Variants in POGZ observed in about 807,000 individuals in gnomAD.
The protein encoded by POGZ is pogo transposable element with ZNF domain.
A neutral mutation model predicts 134.6 loss-of-function variants in POGZ; 17 were observed. That is an observed-to-expected ratio of 0.13 (90% CI 0.09 to 0.19). POGZ has a LOEUF of 0.19. POGZ is among the 10% of genes least tolerant of loss of function. The pLI is 1.00. For missense variants in POGZ, 1,306 were observed against 1,769.7 expected, an observed-to-expected ratio of 0.74 and a Z score of 4.70; for synonymous variants, 693 against 657.1, an observed-to-expected ratio of 1.05 and a Z score of -0.84.
chr1:151,458,242 G>A lies in POGZ; in HGVS notation c.-2+910C>T, dbSNP rs148920940. 8.5e-5 allele frequency among the ~76,000 whole-genome samples: 13 copies of A among 152,186 alleles called. No individual in the cohort carries two copies. The East Asian group carries it at 2.1e-3, about 25-fold the overall frequency. ...AAAGACGGAAAACAAATAGATCAAT[G>A]ACAGTACTCCTTTGCAAAAGGTGCC... On this transcript the variant is annotated intron_variant, in intron 1 of 18. Transcript: ENST00000271715.
Position 151,405,179 on chromosome 1 carries a change from C to T in POGZ, c.3856G>A (p.Glu1286Lys). ...GAATCACATGCAGTATCTGCCATTTCCCGAGCCTGTTCCTTCCATTTTTTA... is the reference window on the plus strand; with the variant it reads ...GAATCACATGCAGTATCTGCCATTTTCCGAGCCTGTTCCTTCCATTTTTTA... ...LHKKWKEQAR[E>K]MADTACDSDV... The change falls in exon 19 of 19, where the codon GAA (glutamate) becomes AAA (lysine). Residue 1286 changes from glutamate (E) to lysine (K), a missense_variant. Transcript: ENST00000271715. The surrounding 1 kb of genome is among the most constrained non-coding windows in gnomAD (Gnocchi z 4.9). The T allele has an allele frequency of 6.2e-7, 1 of 1,614,208 alleles. No individual in the cohort carries two copies. Among genetic ancestry groups the T allele is most frequent in the South Asian group, 1.1e-5 (1 of 91,088 alleles).
intron 15 of POGZ, among the ~76,000 whole-genome samples, chr1:151,407,797 C>G (rs1352769935): frequency 2.0e-5 from 3 of 151,834 alleles, no homozygotes; most frequent in South Asian, 2.1e-4. Context: ...ATCACCTGAG[C>G]TCAGGAGTTT....
intron 1 of POGZ, among the ~76,000 whole-genome samples, chr1:151,458,719 C>A (rs999824569): frequency 6.9e-6 from 1 of 145,436 alleles, no homozygotes; most frequent in Non-Finnish European, 1.5e-5. Flanking sequence ...AGCGGGCCAC[C>A]GCCCGCGCCC....
rs757926620 is a variant in POGZ at position 151,428,247 on chromosome 1, C to T, written c.735G>A (p.Gln245=). The T allele has an allele frequency of 4.3e-6, 7 of 1,613,972 alleles. No homozygotes were observed. In the African/African-American group the frequency reaches 9.3e-5, roughly 22 times the overall value. The change falls in exon 6 of 19, where the codon CAG becomes CAA. Residue 245 remains glutamine, a synonymous_variant. Coordinates refer to ENST00000271715, the MANE Select transcript of POGZ (RefSeq NM_015100.4). ...LTIRSTVPQS[Q]SQQTKSTPST... ...TGGGAGTGGACTTGGTCTGCTGGGA[C>T]TGGGACTGTGGGACGGTGCTTCGAA...
chr1:151,408,865 T>C, intron 12 of POGZ, 37 bp from the exon 13 acceptor site: 1 of 1,586,780 alleles, frequency 6.3e-7, no homozygotes, highest in Non-Finnish European at 8.6e-7. Context: ...ACAAAATCCC[T>C]TAAAGGTTCC....
At chr1:151,424,598 A>C in intron 8 of POGZ, 1 of 305,150 alleles carries the variant, frequency 3.3e-6, no homozygotes, top group Non-Finnish European at 6.0e-6. Context: ...ATACCAAAAA[A>C]TGAAAAGCTA....
At chr1:151,410,610 T>C (rs892076301) in intron 12 of POGZ, among the ~76,000 whole-genome samples, 5 of 152,222 alleles carry the variant, frequency 3.3e-5, no homozygotes, top group African/African-American at 1.2e-4. Context: ...GGGCCCATGG[T>C]ATTTAAGTTT....
chr1:151,406,326 G>C lies in POGZ; in HGVS notation c.2709C>G (p.Pro903=). The C allele has an allele frequency of 1.2e-6, 2 of 1,608,984 alleles. No homozygotes were observed. Among genetic ancestry groups the C allele is most frequent in the Non-Finnish European group, 1.7e-6 (2 of 1,177,408 alleles). Residue 903 remains proline (P), a synonymous_variant, in exon 19 of 19, where the codon CCC becomes CCG. Transcript: ENST00000271715. ...TPAEPEELLT[P]LAPALPSPAS... is the part of the protein sequence containing the mutation. ...CTGGTGATGGGAGTGCTGGGGCTAA[G>C]GGAGTTAGTAGCTCTTCAGGCTCAG...
At position 151,459,133 on chromosome 1, in the gene POGZ, GGCTC is replaced by G. The variant is rs1245146145; in HGVS notation, c.-2+15_-2+18del. On this transcript the variant is annotated intron_variant, in intron 1 of 18. Coordinates refer to ENST00000271715, the MANE Select transcript of POGZ (RefSeq NM_015100.4). ...GGGAGCAGGGGGTGGGGAGAGAGAA[GGCTC>G]GCTCGCTCACTCACCTCCTGTGGTC... 2 of 151,190 alleles carry G rather than the reference GGCTC, an allele frequency of 1.3e-5. No homozygotes were observed. Among genetic ancestry groups the G allele is most frequent in the Non-Finnish European group, 3.0e-5 (2 of 67,692 alleles). The allele number at this position is 151,190 out of a possible 1,614,324, so 9.4% of individuals were successfully genotyped here.
At chr1:151,457,528 G>A (rs552755807) in intron 1 of POGZ, among the ~76,000 whole-genome samples, 4 of 152,310 alleles carry the variant, frequency 2.6e-5, no homozygotes, top group African/African-American at 9.6e-5. Flanking sequence ...CAGAGTTCAA[G>A]CTCTCAGACC....
chr1:151,407,271 C>G lies in POGZ; in HGVS notation c.2396G>C (p.Ser799Thr). The G allele has an allele frequency of 6.2e-7, 1 of 1,610,050 alleles. No homozygotes were observed. Among genetic ancestry groups the G allele is most frequent in the Non-Finnish European group, 8.5e-7 (1 of 1,178,326 alleles). ...TTTAAACAAAGCCAAATACTTGGGG[C>G]TCTTCCGTGGAACATGATTGCTGAG... ...HMINNHVPRK[S>T]PKYLALFKNS... The change falls in exon 16 of 19, where the codon AGC (serine) becomes ACC (threonine). Residue 799 changes from serine (S) to threonine (T), a missense_variant. Around this residue, in one of 10 missense-constraint regions of POGZ, gnomAD observed 34 missense variants for 95.5 expected, o/e 0.36. Transcript: ENST00000271715.
In POGZ at chr1:151,404,853, G is replaced by C. The variant is rs753242219; in HGVS notation, c.4182C>G (p.Thr1394=). 2 of 1,613,290 alleles carry C rather than the reference G, an allele frequency of 1.2e-6. No individual in the cohort carries two copies. The highest frequency in any genetic ancestry group is 1.7e-4 in the Middle Eastern group (1 of 6,060). Residue 1394 remains threonine (T), a synonymous_variant, in exon 19 of 19, where the codon ACC becomes ACG. Coordinates refer to ENST00000271715, the MANE Select transcript of POGZ (RefSeq NM_015100.4). The stretch of plus-strand genomic sequence containing the variant: ...CTTCTTCAAAGCCATAGAAAGACTC[G>C]GTCTCACTTTCACCCTCAAAGAGCT... The part of the protein sequence containing the change: ...LHQLFEGESE[T]ESFYGFEEAD...
At chr1:151,434,644 G>A (rs1383235690) in intron 3 of POGZ, among the ~76,000 whole-genome samples, 3 of 152,048 alleles carry the variant, frequency 2.0e-5, no homozygotes, top group African/African-American at 7.2e-5. Context: ...GTGCAATGGT[G>A]CAATCTTGGC....
chr1:151,417,542 AG>A (rs1655970442), intron 10 of POGZ, among the ~76,000 whole-genome samples: 1 of 151,196 alleles, frequency 6.6e-6, no homozygotes. Context: ...TTGTATTTTT[AG>A]TACAGACAGG....
At chr1:151,458,838 G>GGGGGGC (rs1392958174) in intron 1 of POGZ, among the ~76,000 whole-genome samples, 50 of 145,418 alleles carry the variant, frequency 3.4e-4, no homozygotes, top group East Asian at 2.8e-3. Flanking sequence ...GGCGGGCGCC[G>GGGGGGC]GGGGGCGGGG....
intron 10 of POGZ, among the ~76,000 whole-genome samples, chr1:151,412,825 A>C (rs1312468270): frequency 6.6e-6 from 1 of 152,094 alleles, no homozygotes; most frequent in African/African-American, 2.4e-5. Flanking sequence ...TACTTATAAT[A>C]AGGCAAAAAC....
In POGZ at chr1:151,406,596, GT is replaced by G. The variant is rs774718692; in HGVS notation, c.2570+10del. The G allele has an allele frequency of 4.0e-5, 65 of 1,609,450 alleles. No homozygotes were observed. Among genetic ancestry groups the G allele is most frequent in the Non-Finnish European group, 5.0e-5 (59 of 1,178,224 alleles). ...AACCAGAAATTAAATTGTGAGGTGA[GT>G]TTTTGTTACCTTGAGTGAGCTATCC... On this transcript the variant is annotated intron_variant, in intron 18 of 18. Coordinates refer to ENST00000271715, the MANE Select transcript of POGZ (RefSeq NM_015100.4).
intron 12 of POGZ, among the ~76,000 whole-genome samples, chr1:151,410,866 C>T (rs1279634451): frequency 6.6e-6 from 1 of 152,208 alleles, no homozygotes; most frequent in Non-Finnish European, 1.5e-5. Context: ...TTCTTAACTA[C>T]TGCATTGCTA....
chr1:151,450,406 G>A (rs1164796301), intron 1 of POGZ, among the ~76,000 whole-genome samples: 1 of 152,006 alleles, frequency 6.6e-6, no homozygotes, highest in African/African-American at 2.4e-5. Context: ...GGGCTGTAGT[G>A]CAGTGGCGCG....
Sources: gnomAD v4.1 joint callset for allele counts (sites outside exome capture counted in the v4.1 genomes callset) on GRCh38, gnomAD v4.1.1 for gene constraint, gnomAD v4.1.1 regional missense constraint, Gnocchi (gnomAD v3.1) non-coding constraint, MANE v1.5 for transcripts, NCBI Gene and HGNC (gene_info 2026-07-23, HGNC 2026-07-21) for gene names.